The following GRM7 variants were observed in gnomAD, a reference collection of about 807,000 sequenced individuals.
GRM7 encodes the protein glutamate metabotropic receptor 7.
In GRM7, 35 loss-of-function variants were observed where a neutral mutation model predicts 84.5. That is an observed-to-expected ratio of 0.41 (90% confidence interval 0.32 to 0.55). The LOEUF is 0.55. Among genes scored for constraint, GRM7 ranks in the 20% least tolerant of loss-of-function variants. GRM7 has a pLI of 0.19. For missense variants in GRM7, 1,003 were observed against 1,194.6 expected, an observed-to-expected ratio of 0.84 and a Z score of 2.36; for synonymous variants, 487 against 455.1, an observed-to-expected ratio of 1.07 and a Z score of -0.89.
At chr3:7,016,845 A>G (rs911827346) in intron 1 of GRM7, among the ~76,000 whole-genome samples, 9 of 152,192 alleles carry the variant, frequency 5.9e-5, no homozygotes, top group African/African-American at 2.2e-4. Context: ...TAACTTGCCC[A>G]ATGTCACCCA....
At chr3:7,027,077 C>T (rs1449927193) in intron 1 of GRM7, among the ~76,000 whole-genome samples, 1 of 152,204 alleles carries the variant, frequency 6.6e-6, no homozygotes, top group Non-Finnish European at 1.5e-5. Context: ...CCACAAATTC[C>T]ACCTCTTATT....
chr3:6,901,742 G>C (rs1333089236), intron 1 of GRM7, among the ~76,000 whole-genome samples: 4 of 149,602 alleles, frequency 2.7e-5, no homozygotes, highest in African/African-American at 4.9e-5. Context: ...AATACACCAA[G>C]ATTAATGAGT....
At chr3:7,386,151 C>T (rs906658925) in intron 4 of GRM7, among the ~76,000 whole-genome samples, 1 of 152,146 alleles carries the variant, frequency 6.6e-6, no homozygotes. Flanking sequence ...AAGGGGATAG[C>T]TCTTGTGTAG....
At chr3:7,042,580 C>G (rs1574827421) in intron 1 of GRM7, among the ~76,000 whole-genome samples, 1 of 151,974 alleles carries the variant, frequency 6.6e-6, no homozygotes, top group Admixed American at 6.6e-5. Context: ...TCAAATGCAC[C>G]AATATTCTCA....
intron 2 of GRM7, among the ~76,000 whole-genome samples, chr3:7,158,473 C>T (rs945912059): frequency 6.6e-5 from 10 of 152,062 alleles, no homozygotes; most frequent in Non-Finnish European, 1.5e-4. Context: ...TGACGCTTCT[C>T]CAGTATGTCC....
intron 7 of GRM7, among the ~76,000 whole-genome samples, chr3:7,523,019 T>C (rs1383819643): frequency 6.6e-6 from 1 of 152,168 alleles, no homozygotes; most frequent in Non-Finnish European, 1.5e-5. Context: ...CTGTATGAAT[T>C]GGCCAGCACC....
chr3:7,604,844 C>T (rs1575545788), intron 8 of GRM7, among the ~76,000 whole-genome samples: 1 of 152,100 alleles, frequency 6.6e-6, no homozygotes, highest in Non-Finnish European at 1.5e-5. Context: ...AATCAGACGT[C>T]CTTTGCAAAT....
At chr3:6,986,726 TC>T (rs1694426001) in intron 1 of GRM7, among the ~76,000 whole-genome samples, 1 of 152,166 alleles carries the variant, frequency 6.6e-6, no homozygotes, top group African/African-American at 2.4e-5. Context: ...TGTCCTGGCT[TC>T]CCCTGTATCT....
chr3:7,045,912 G>A (rs1696789899), intron 1 of GRM7, among the ~76,000 whole-genome samples: 2 of 152,038 alleles, frequency 1.3e-5, no homozygotes, highest in South Asian at 4.1e-4. Context: ...GGATTTGCTG[G>A]ATCACATGAT....
chr3:7,020,677 C>T (rs1695744742), intron 1 of GRM7, among the ~76,000 whole-genome samples: 1 of 152,136 alleles, frequency 6.6e-6, no homozygotes, highest in Admixed American at 6.6e-5. Flanking sequence ...TATAGGGTGA[C>T]TACAACACTA....
intron 7 of GRM7, among the ~76,000 whole-genome samples, chr3:7,495,962 T>C (rs747466060): frequency 1.3e-5 from 2 of 152,234 alleles, no homozygotes; most frequent in African/African-American, 2.4e-5. Flanking sequence ...TGGGTCTATG[T>C]CCACTTGTCC....
rs562646639 is a variant in GRM7 at position 7,602,080 on chromosome 3, CAAAAAAAA to C, written c.2451+22737_2451+22744del. ...CACCAGGGAACGCATATTACCAGGA[CAAAAAAAA>C]AAAAAAAAAAAAAGGCATTCTGTTT... On this transcript the variant is annotated intron_variant, in intron 8 of 9. Coordinates refer to ENST00000357716, the MANE Select transcript of GRM7 (RefSeq NM_000844.4). 3.3e-4 allele frequency among the ~76,000 whole-genome samples: 31 copies of C among 93,802 alleles called. 1 individual carries two copies. Among genetic ancestry groups the C allele is most frequent in the African/African-American group, 4.5e-4 (11 of 24,236 alleles). 61.5% of individuals were successfully genotyped at this position (93,802 alleles called of 152,430 possible). A position where few individuals can be genotyped will look rare whatever the true frequency, so the allele number is the denominator to read the frequency against.
At chr3:7,634,871 G>T (rs1698017894) in intron 8 of GRM7, among the ~76,000 whole-genome samples, 1 of 152,006 alleles carries the variant, frequency 6.6e-6, no homozygotes. Context: ...GCCAGATTTT[G>T]AATATTTTAC....
chr3:7,616,483 C>T (rs1697084455), intron 8 of GRM7, among the ~76,000 whole-genome samples: 2 of 152,216 alleles, frequency 1.3e-5, no homozygotes, highest in Admixed American at 6.5e-5. Context: ...TTCCCTAGGT[C>T]CATCAGGATC....
rs193130445 is a variant in GRM7 at position 6,916,418 on chromosome 3, C to T, written c.519+54511C>T. ...ACTGAGACCAGAGGAATGCATTAAGCAAGTAGTGGCAGTATAGGGGGAGTC... is the reference window on the plus strand; with the variant it reads ...ACTGAGACCAGAGGAATGCATTAAGTAAGTAGTGGCAGTATAGGGGGAGTC... On this transcript the variant is annotated intron_variant, in intron 1 of 9. Coordinates refer to ENST00000357716, the MANE Select transcript of GRM7 (RefSeq NM_000844.4). 2.6e-5 allele frequency among the ~76,000 whole-genome samples: 4 copies of T among 152,258 alleles called. No homozygotes were observed. In the East Asian group the frequency reaches 7.7e-4, roughly 29 times the overall value.
At chr3:7,026,953 C>T (rs1191884664) in intron 1 of GRM7, among the ~76,000 whole-genome samples, 1 of 152,230 alleles carries the variant, frequency 6.6e-6, no homozygotes, top group Non-Finnish European at 1.5e-5. Flanking sequence ...AACTCATCTT[C>T]TCCTATCTCT....
intron 4 of GRM7, among the ~76,000 whole-genome samples, chr3:7,395,895 TAGG>T (rs997034283): frequency 2.0e-5 from 3 of 152,150 alleles, no homozygotes; most frequent in Admixed American, 6.5e-5. Context: ...TTCAAATATC[TAGG>T]AGGAGAATAT....
intron 9 of GRM7, among the ~76,000 whole-genome samples, chr3:7,700,940 T>G (rs1701203029): frequency 6.6e-6 from 1 of 152,236 alleles, no homozygotes; most frequent in South Asian, 2.1e-4. Flanking sequence ...AAAAGCTTTC[T>G]TCTTCAAGAC....
At chr3:7,090,615 T>G (rs1275804969) in intron 1 of GRM7, among the ~76,000 whole-genome samples, 2 of 152,180 alleles carry the variant, frequency 1.3e-5, no homozygotes, top group African/African-American at 4.8e-5. Flanking sequence ...AACTTCTGAT[T>G]AGTGTGGCCA....
Sources: allele counts gnomAD v4.1 joint callset (sites outside exome capture counted in the v4.1 genomes callset), GRCh38; gene constraint gnomAD v4.1.1; transcripts MANE v1.5; gene names NCBI Gene and HGNC (gene_info 2026-07-23, HGNC 2026-07-21).